Variants in FRMD6 observed in about 807,000 individuals in gnomAD.
FRMD6 encodes the protein FERM domain containing 6, also known as FERM domain-containing protein 6.
A neutral mutation model predicts 73.2 loss-of-function variants in FRMD6; 37 were observed. That is an observed-to-expected ratio of 0.51 (90% CI 0.39 to 0.66). The LOEUF is 0.66. Among genes scored for constraint, FRMD6 ranks in the 30% least tolerant of loss-of-function variants. The pLI, the probability that FRMD6 is intolerant of heterozygous loss-of-function variation, is 0.00. For missense variants in FRMD6, 714 were observed against 780.5 expected (o/e 0.91, Z 1.02); for synonymous variants, 273 against 282.2 (o/e 0.97, Z 0.33).
intron 2 of FRMD6, among the ~76,000 whole-genome samples, chr14:51,572,907 C>T (rs1180154310): frequency 6.6e-6 from 1 of 152,128 alleles, no homozygotes; most frequent in Non-Finnish European, 1.5e-5. Context: ...TATAGACTCA[C>T]TTGAAATTTA....
At chr14:51,500,448 AC>A (rs1197092102) in intron 1 of FRMD6, among the ~76,000 whole-genome samples, 1 of 151,868 alleles carries the variant, frequency 6.6e-6, no homozygotes, top group Non-Finnish European at 1.5e-5. Context: ...AATCGCTTGA[AC>A]CCTGGAAGCG....
chr14:51,672,261 G>A (rs1304092022), intron 1 of FRMD6, among the ~76,000 whole-genome samples: 1 of 152,184 alleles, frequency 6.6e-6, no homozygotes, highest in Non-Finnish European at 1.5e-5. Flanking sequence ...TATTATGAGA[G>A]TCTTTTGAGA....
chr14:51,537,956 G>A (rs8019340), intron 1 of FRMD6, among the ~76,000 whole-genome samples: 15,947 of 152,060 alleles, frequency 0.1, 1,110 homozygotes, highest in African/African-American at 0.19. Flanking sequence ...TCTGTGGCTT[G>A]TCTTTTTGTT....
intron 3 of FRMD6, among the ~76,000 whole-genome samples, chr14:51,700,845 T>C (rs768883619): frequency 1.6e-4 from 25 of 151,952 alleles, no homozygotes; most frequent in Non-Finnish European, 3.1e-4. Context: ...ATGTGTTCTG[T>C]ATTGCAAAAG....
the FRMD6 span, among the ~76,000 whole-genome samples, chr14:51,427,309 T>C: frequency 2.6e-5 from 4 of 152,212 alleles, no homozygotes; most frequent in African/African-American, 4.8e-5. Flanking sequence ...AGTGGAGCAA[T>C]ACATTATTTA....
chr14:51,655,988 C>A (rs1228055998), intron 1 of FRMD6, among the ~76,000 whole-genome samples: 1 of 152,172 alleles, frequency 6.6e-6, no homozygotes. Flanking sequence ...TTTAATTAGT[C>A]CCCCAACATT....
intron 2 of FRMD6, among the ~76,000 whole-genome samples, chr14:51,696,622 G>A (rs1895955475): frequency 6.6e-6 from 1 of 151,792 alleles, no homozygotes; most frequent in Admixed American, 6.6e-5. Context: ...TAAATTAAAA[G>A]CTAGGCAGGC....
rs925895285 is a variant in FRMD6 at position 51,729,137 on chromosome 14, A to T, written c.*1108A>T. 1.3e-5 allele frequency: 2 copies of T among 152,200 alleles called. No homozygotes were observed. The highest frequency in any genetic ancestry group is 2.9e-5 in the Non-Finnish European group (2 of 68,034). 9.4% of individuals were successfully genotyped at this position (152,200 alleles called of 1,614,324 possible). A position where few individuals can be genotyped will look rare whatever the true frequency, so the allele number is the denominator to read the frequency against. ...CCTTTGGCCATGATTCTCAACACTG[A>T]TTGTATAACAGAATTTTGGGGGGAG... On this transcript the variant is annotated 3_prime_UTR_variant, in exon 14 of 14. Coordinates refer to ENST00000344768, the MANE Select transcript of FRMD6 (RefSeq NM_001267046.2).
At chr14:51,403,109 CA>C in the FRMD6 span, among the ~76,000 whole-genome samples, 1 of 152,074 alleles carries the variant, frequency 6.6e-6, no homozygotes, top group Admixed American at 6.5e-5. Context: ...ATGGTATTTT[CA>C]AAATAAAAGA....
At chr14:51,646,900 G>A (rs961695738) in intron 2 of FRMD6, among the ~76,000 whole-genome samples, 2 of 151,756 alleles carry the variant, frequency 1.3e-5, no homozygotes, top group Non-Finnish European at 2.9e-5. Flanking sequence ...AATTCTCTAC[G>A]ATGGGCCCTC....
chr14:51,628,879 T>TC (rs1555328717), intron 2 of FRMD6, among the ~76,000 whole-genome samples: 1 of 131,100 alleles, frequency 7.6e-6, no homozygotes, highest in East Asian at 2.0e-4. Context: ...TTTCTTTTCT[T>TC]TTTTTTTTTT....
chr14:51,596,987 T>G (rs1157589585), intron 2 of FRMD6, among the ~76,000 whole-genome samples: 1 of 152,196 alleles, frequency 6.6e-6, no homozygotes, highest in Admixed American at 6.5e-5. Context: ...AACTAACACA[T>G]GTAAATATTC....
chr14:51,687,542 T>TA (rs137965986), intron 1 of FRMD6, among the ~76,000 whole-genome samples: 1,855 of 152,272 alleles, frequency 0.012, 47 homozygotes, highest in African/African-American at 0.042. Flanking sequence ...AGGACCTTAA[T>TA]AGATATGCCT....
At chr14:51,413,648 A>G in the FRMD6 span, among the ~76,000 whole-genome samples, 8 of 152,184 alleles carry the variant, frequency 5.3e-5, no homozygotes, top group African/African-American at 1.9e-4. Flanking sequence ...TAGCAGCATG[A>G]TTTATAATCC....
chr14:51,636,354 T>G (rs1364149892), intron 2 of FRMD6, among the ~76,000 whole-genome samples: 1 of 152,206 alleles, frequency 6.6e-6, no homozygotes, highest in Non-Finnish European at 1.5e-5. Flanking sequence ...ACATGGCAGA[T>G]TAGCATCCAA....
chr14:51,454,883 G>A, the FRMD6 span: 1 of 152,128 alleles, frequency 6.6e-6, no homozygotes, highest in African/African-American at 2.4e-5. Context: ...TATGTCAGAG[G>A]ATCTAATGGC....
chr14:51,550,590 C>CCT (rs1555374787), intron 1 of FRMD6, among the ~76,000 whole-genome samples: 1 of 151,040 alleles, frequency 6.6e-6, no homozygotes, highest in African/African-American at 2.5e-5. Context: ...ACCCCCCCGC[C>CCT]ATGCTTATAG....
At chr14:51,409,340 C>CTTTTTTT in the FRMD6 span, among the ~76,000 whole-genome samples, 2 of 84,138 alleles carry the variant, frequency 2.4e-5, no homozygotes, top group Non-Finnish European at 4.4e-5. Flanking sequence ...AAGTTTTTTG[C>CTTTTTTT]TTTTTTTTTT....
At chr14:51,715,721 C>T (rs1045109782) in intron 10 of FRMD6, among the ~76,000 whole-genome samples, 3 of 152,222 alleles carry the variant, frequency 2.0e-5, no homozygotes, top group African/African-American at 7.2e-5. Flanking sequence ...GAGGTGACTG[C>T]ATTTAGCTAT....
Sources: gnomAD v4.1 joint callset for allele counts (sites outside exome capture counted in the v4.1 genomes callset) on GRCh38, gnomAD v4.1.1 for gene constraint, MANE v1.5 for transcripts, NCBI Gene and HGNC (gene_info 2026-07-23, HGNC 2026-07-21) for gene names.